The following RAPGEF3 variants were observed in gnomAD, a reference collection of about 807,000 sequenced individuals.
RAPGEF3 encodes the protein 9330170P05Rik.
A neutral mutation model predicts 129.8 loss-of-function variants in RAPGEF3; 103 were observed. That is an observed-to-expected ratio of 0.79 (90% CI 0.68 to 0.93). The LOEUF (loss-of-function observed/expected upper bound fraction) is 0.93. Among genes scored for constraint, RAPGEF3 ranks in the 40% least tolerant of loss-of-function variants. RAPGEF3 has a pLI of 0.00. For synonymous variants in RAPGEF3, 436 were observed against 482.6 expected, an observed-to-expected ratio of 0.90 and a Z score of 1.26; for missense variants, 1,117 against 1,207.4, an observed-to-expected ratio of 0.93 and a Z score of 1.11.
At position 47,748,134 on chromosome 12, in the gene RAPGEF3, A is replaced by G; in HGVS notation, c.1262T>C (p.Phe421Ser). The G allele has an allele frequency of 6.3e-7, 1 of 1,585,592 alleles. No individual in the cohort carries two copies. Among genetic ancestry groups the G allele is most frequent in the South Asian group, 1.1e-5 (1 of 87,028 alleles). ...HDPTETFLSD[F>S]LLTHRVFMPS... is the part of the protein sequence containing the mutation. ...CATGAAGACCCTGTGGGTCAGGAGGAAGTCGCTGAGGAATGTCTCTGTATG... is the reference window on the plus strand; with the variant it reads ...CATGAAGACCCTGTGGGTCAGGAGGGAGTCGCTGAGGAATGTCTCTGTATG... Residue 421 changes from phenylalanine (F) to serine (S), a missense_variant, in exon 13 of 28, where the codon TTC (phenylalanine) becomes TCC (serine). By Grantham distance (155) the Phe-to-Ser change is radical. Coordinates refer to ENST00000449771, the MANE Select transcript of RAPGEF3 (RefSeq NM_001098531.4).
chr12:47,747,406 G>T (rs1187033886), intron 15 of RAPGEF3, 138 bp downstream of exon 15: 1 of 778,594 alleles, frequency 1.3e-6, no homozygotes, highest in Non-Finnish European at 2.1e-6. Flanking sequence ...ACAGCAAGGG[G>T]ACTGATAAGA....
At chr12:47,743,926 G>A (rs1414312286) in intron 17 of RAPGEF3, 61 bp downstream of exon 17, 1 of 1,509,712 alleles carries the variant, frequency 6.6e-7, no homozygotes. Context: ...AGCAGGACAA[G>A]AGAGGCAGAG....
At chr12:47,741,660 T>A (rs1941176150) in intron 18 of RAPGEF3, 58 bp from the exon 19 acceptor site, 3 of 1,428,922 alleles carry the variant, frequency 2.1e-6, no homozygotes, top group Non-Finnish European at 3.0e-6. Context: ...GGGGACCAGC[T>A]GGATGCCAGG....
chr12:47,758,292 G>C, intron 1 of RAPGEF3: 2 of 1,431,034 alleles, frequency 1.4e-6, no homozygotes, highest in Non-Finnish European at 1.8e-6. Context: ...CTGGCTCTTG[G>C]AAAAGATCAG....
Position 47,746,878 on chromosome 12 carries a change from A to G in RAPGEF3, c.1578T>C (p.Asn526=), listed in dbSNP as rs553889495. 6.2e-7 allele frequency: 1 copy of G among 1,600,552 alleles called. No homozygotes were observed. The highest frequency in any genetic ancestry group is 1.8e-5 in the Admixed American group (1 of 55,684). ...CAGACACCTTCATCTGAGGAGATGC[A>G]TTCCCACAGCCATTCTCCAACCTGC... ...RCHRLENGCG[N]ASPQMKARNL... The change falls in exon 16 of 28, where the codon AAT becomes AAC. Residue 526 remains asparagine (N), a synonymous_variant. Coordinates refer to ENST00000449771, the MANE Select transcript of RAPGEF3 (RefSeq NM_001098531.4).
chr12:47,744,850 T>A (rs1250213907), intron 16 of RAPGEF3: 2 of 152,336 alleles, frequency 1.3e-5, no homozygotes, highest in East Asian at 3.8e-4. Flanking sequence ...CCTGCAGAGT[T>A]CCTTACTGCC....
Position 47,739,474 on chromosome 12 carries a change from G to T in RAPGEF3, c.2374-244C>A. ...GGCCCCAGGTTTCTTGGAAAAGTCT[G>T]TCACTGTCACCTCTCTGTCCCTTTC... On this transcript the variant is annotated intron_variant, in intron 23 of 27. Transcript: ENST00000449771. The T allele has an allele frequency of 4.4e-6, 3 of 687,564 alleles. No individual in the cohort carries two copies. In the South Asian group the frequency reaches 4.5e-5, roughly 10 times the overall value. 42.6% of individuals were successfully genotyped at this position (687,564 alleles called of 1,614,324 possible).
At chr12:47,753,388 C>T (rs1941868032) in intron 2 of RAPGEF3, among the ~76,000 whole-genome samples, 2 of 152,214 alleles carry the variant, frequency 1.3e-5, no homozygotes. Flanking sequence ...CATCTGGCTT[C>T]AGGTCCCTGA....
intron 19 of RAPGEF3, 172 bp from the exon 20 acceptor site, chr12:47,741,212 C>T: frequency 2.2e-6 from 2 of 890,872 alleles, no homozygotes; most frequent in Non-Finnish European, 3.3e-6. Context: ...GATAGGGCTC[C>T]CCAGTGCTGA....
chr12:47,758,098 G>C lies in RAPGEF3; in HGVS notation c.7-20C>G. 6.4e-7 allele frequency: 1 copy of C among 1,551,974 alleles called. No individual in the cohort carries two copies. Among genetic ancestry groups the C allele is most frequent in the African/African-American group, 1.4e-5 (1 of 73,620 alleles). ...GCCCACCTGTGACACGGGGAGGAAA[G>C]TGGACAGCCATGGGACACGACTGGG... On this transcript the variant is annotated intron_variant, in intron 1 of 27. Transcript: ENST00000449771.
rs79687701 is a variant in RAPGEF3, at chr12:47,746,788, A to C, written c.1596+72T>G. The C allele has an allele frequency of 7.0e-4, 1,017 of 1,447,970 alleles. 7 individuals carry two copies. The African/African-American group carries it at 0.013, about 19-fold the overall frequency. The allele number at this position is 1,447,970 out of a possible 1,614,324, so 89.7% of individuals were successfully genotyped here. On this transcript the variant is annotated intron_variant, in intron 16 of 27. Coordinates refer to ENST00000449771, the MANE Select transcript of RAPGEF3 (RefSeq NM_001098531.4). Reference sequence around the variant, plus strand: ...GCTTCCCACGCCCACAGAGCCCCTCAGGGTCAGGGGGCGAAGGAGGGGCCT... The same window carrying C: ...GCTTCCCACGCCCACAGAGCCCCTCCGGGTCAGGGGGCGAAGGAGGGGCCT...
chr12:47,753,939 A>G (rs1321050480), intron 2 of RAPGEF3: 7 of 152,234 alleles, frequency 4.6e-5, no homozygotes, highest in Non-Finnish European at 8.8e-5. Context: ...GCCCTAGTCC[A>G]TGAGCACTGA....
Position 47,734,956 on chromosome 12 carries a change from G to C in RAPGEF3, c.*2611C>G, listed in dbSNP as rs77243893. 1 of 152,284 alleles carries C rather than the reference G, an allele frequency of 6.6e-6. No homozygotes were observed. Among genetic ancestry groups the C allele is most frequent in the South Asian group, 2.1e-4 (1 of 4,834 alleles). The allele number at this position is 152,284 out of a possible 1,614,324, so 9.4% of individuals were successfully genotyped here. On this transcript the variant is annotated 3_prime_UTR_variant, in exon 28 of 28. Transcript: ENST00000449771. ...CTGGCTCCACTGACCACTCCACCCC[G>C]TCTGTGGGGAGGCGTGGCCCTCCCT...
At chr12:47,747,924 G>A (rs1040025420) in intron 13 of RAPGEF3, 62 bp from the exon 14 acceptor site, 8 of 1,593,852 alleles carry the variant, frequency 5.0e-6, no homozygotes, top group East Asian at 2.2e-5. Flanking sequence ...GGCAAAGGAG[G>A]GGCAGGATGC....
In RAPGEF3 at chr12:47,740,983, C is replaced by A. The variant is rs759375739; in HGVS notation, c.1981G>T (p.Val661Leu). The A allele has an allele frequency of 6.2e-7, 1 of 1,613,520 alleles. No homozygotes were observed. The highest frequency in any genetic ancestry group is 1.7e-5 in the Admixed American group (1 of 59,974). ...TGGCCTGCCAGGTCCTTGGCACTCA[C>A]CAGGTCCAGCCCCTCAGCAGAGCCC... ...TVGSAEGLDL[V>L]SAKDLAGQLT... is the part of the protein sequence containing the mutation. The change falls in exon 20 of 28, where the codon GTG becomes TTG. Residue 661 changes from valine to leucine, a missense_variant. Coordinates refer to ENST00000449771, the MANE Select transcript of RAPGEF3 (RefSeq NM_001098531.4).
chr12:47,746,764 C>T, intron 16 of RAPGEF3, 96 bp downstream of exon 16: 1 of 1,335,556 alleles, frequency 7.5e-7, no homozygotes, highest in Non-Finnish European at 1.1e-6. Context: ...GGGAGGAGAG[C>T]TTCCCACGCC....
rs374955550 is a variant in RAPGEF3 at position 47,751,749 on chromosome 12, G to C, written c.354C>G (p.Asp118Glu). The C allele has an allele frequency of 1.2e-6, 2 of 1,613,660 alleles. No individual in the cohort carries two copies. Among genetic ancestry groups the C allele is most frequent in the Non-Finnish European group, 1.7e-6 (2 of 1,180,022 alleles). ...LLATCPNLIR[D>E]RKYHLRLYRQ... ...GATAGAGCCTAAGGTGGTACTTCCG[G>C]TCTCGGATGAGGTTTGGGCAGGTGG... The change falls in exon 4 of 28, where the codon GAC (aspartate) becomes GAG (glutamate). Residue 118 changes from aspartate to glutamate, a missense_variant. Coordinates refer to ENST00000449771, the MANE Select transcript of RAPGEF3 (RefSeq NM_001098531.4).
chr12:47,746,833 G>A (rs1417243590), intron 16 of RAPGEF3, 27 bp downstream of exon 16: 7 of 1,579,182 alleles, frequency 4.4e-6, no homozygotes, highest in Non-Finnish European at 6.0e-6. Flanking sequence ...GAGGAGCAGA[G>A]GAAAGAAACT....
chr12:47,746,744 G>T (rs773228786), intron 16 of RAPGEF3, 116 bp downstream of exon 16: 45 of 1,157,898 alleles, frequency 3.9e-5, no homozygotes, highest in Non-Finnish European at 5.5e-5. Flanking sequence ...AGACCCAAGG[G>T]TGTGTCTGTG....
Sources: gnomAD v4.1 joint callset for allele counts (sites outside exome capture counted in the v4.1 genomes callset) on GRCh38, gnomAD v4.1.1 for gene constraint, MANE v1.5 for transcripts, NCBI Gene and HGNC (gene_info 2026-07-23, HGNC 2026-07-21) for gene names.